Variants in HIP1 observed in about 807,000 individuals in gnomAD.
The protein encoded by HIP1 is huntingtin-interacting protein 1.
HIP1 carries 65 observed loss-of-function variants against 147.6 expected under a neutral mutation model. The observed-to-expected ratio is 0.44, with a 90% CI of 0.36 to 0.54. The LOEUF (loss-of-function observed/expected upper bound fraction) is 0.54, where lower values mean the gene tolerates loss of function less well. Among genes scored for constraint, HIP1 ranks in the 20% least tolerant of loss-of-function variants. The probability of loss-of-function intolerance (pLI) is 0.00; values close to 1 mark genes in which losing one functional copy is unlikely to be tolerated. For synonymous variants in HIP1, 479 were observed against 504.0 expected, an observed-to-expected ratio of 0.95 and a Z score of 0.67; for missense variants, 1,061 against 1,299.6, an observed-to-expected ratio of 0.82 and a Z score of 2.82.
At chr7:75,542,571 C>T (rs1338310122) in intron 28 of HIP1, among the ~76,000 whole-genome samples, 2 of 151,782 alleles carry the variant, frequency 1.3e-5, no homozygotes, top group African/African-American at 2.4e-5. Context: ...TGGTGGCGGG[C>T]GCCTGTAATC....
rs1554489635 is a variant in HIP1, at chr7:75,540,448, A to G, written c.2953-1017T>C. On this transcript the variant is annotated intron_variant, in intron 29 of 30. Coordinates refer to ENST00000336926, the MANE Select transcript of HIP1 (RefSeq NM_005338.7). ...ACTCGGTCTCAAAAAAAAAAAAAAAAAAGAAGGAAAAATTAGCTGGGCATG... is the reference window on the plus strand; with the variant it reads ...ACTCGGTCTCAAAAAAAAAAAAAAAGAAGAAGGAAAAATTAGCTGGGCATG... 4.0e-3 allele frequency among the ~76,000 whole-genome samples: 605 copies of G among 151,186 alleles called. 5 individuals are homozygous for G. Among genetic ancestry groups the G allele is most frequent in the African/African-American group, 0.014 (572 of 41,266 alleles).
Position 75,534,882 on chromosome 7 carries a change from C to T in HIP1, c.*3290G>A, listed in dbSNP as rs371553830. The T allele has an allele frequency of 2.9e-5, 6 of 206,260 alleles. No individual in the cohort carries two copies. The highest frequency in any genetic ancestry group is 7.4e-5 in the East Asian group (1 of 13,560). The allele number at this position is 206,260 out of a possible 1,614,324, so 12.8% of individuals were successfully genotyped here. A position where few individuals can be genotyped will look rare whatever the true frequency, so the allele number is the denominator to read the frequency against. ...GTCCCATCTTGTCATGACCCATTTA[C>T]GCTCACCCGAGACTTGTCACTAGTG... On this transcript the variant is annotated 3_prime_UTR_variant, in exon 31 of 31. Coordinates refer to ENST00000336926, the MANE Select transcript of HIP1 (RefSeq NM_005338.7).
intron 1 of HIP1, among the ~76,000 whole-genome samples, chr7:75,689,014 G>T (rs1436509737): frequency 6.6e-6 from 1 of 152,118 alleles, no homozygotes; most frequent in Non-Finnish European, 1.5e-5. Context: ...CAAACAAACA[G>T]AGTGTACGCC....
At chr7:75,554,412 G>T in intron 20 of HIP1, 28 bp downstream of exon 20, 2 of 1,582,428 alleles carry the variant, frequency 1.3e-6, no homozygotes, top group South Asian at 2.2e-5. Flanking sequence ...ATCACTAGCC[G>T]ACAGAGACTG....
intron 1 of HIP1, among the ~76,000 whole-genome samples, chr7:75,713,365 C>G (rs1297715295): frequency 1.3e-5 from 2 of 152,182 alleles, no homozygotes; most frequent in Admixed American, 1.3e-4. Flanking sequence ...GAAGCTGGAA[C>G]TAAGACTGAC....
intron 22 of HIP1, among the ~76,000 whole-genome samples, chr7:75,549,529 C>T (rs1284158839): frequency 6.6e-6 from 1 of 151,724 alleles, no homozygotes; most frequent in Non-Finnish European, 1.5e-5. Context: ...CACCACCATG[C>T]CCAGCTAATT....
chr7:75,611,356 A>G (rs1797427314), intron 1 of HIP1, among the ~76,000 whole-genome samples: 1 of 151,440 alleles, frequency 6.6e-6, no homozygotes, highest in Non-Finnish European at 1.5e-5. Context: ...AGTCCCAGCC[A>G]CTTGGGAGGC....
rs568178151 is a variant in HIP1 at position 75,651,198 on chromosome 7, A to G, written c.121-51951T>C. ...AAAGACCTGAGGCACAGTGGCTCACACCTGTAATCCCAGCACTTTGGGAGG... is the reference window on the plus strand; with the variant it reads ...AAAGACCTGAGGCACAGTGGCTCACGCCTGTAATCCCAGCACTTTGGGAGG... On this transcript the variant is annotated intron_variant, in intron 1 of 30. Transcript: ENST00000336926. Among the ~76,000 whole-genome samples, 36 of 151,972 alleles carry G rather than the reference A, an allele frequency of 2.4e-4. No individual in the cohort carries two copies. In the East Asian group the frequency reaches 4.7e-3, roughly 20 times the overall value.
In HIP1 at chr7:75,599,183, T is replaced by C. The variant is rs1554502513; in HGVS notation, c.184+1A>G. ...CTTCCAAGCAACATCCAAAAGGATA[T>C]TTCTGGCGTGTTTTTCCTTTACAGC... is the stretch of plus-strand genomic sequence containing the variant. On this transcript the variant is annotated splice_donor_variant, in intron 2 of 30. Coordinates refer to ENST00000336926, the MANE Select transcript of HIP1 (RefSeq NM_005338.7). LOFTEE classifies it high-confidence loss of function. The C allele has an allele frequency of 1.9e-6, 3 of 1,610,410 alleles. No homozygotes were observed. Among genetic ancestry groups the C allele is most frequent in the Non-Finnish European group, 2.5e-6 (3 of 1,176,726 alleles).
chr7:75,577,053 TG>T (rs1244354627), intron 7 of HIP1, among the ~76,000 whole-genome samples: 6 of 151,946 alleles, frequency 3.9e-5, no homozygotes, highest in Non-Finnish European at 7.4e-5. Flanking sequence ...CACAGGAGGC[TG>T]GGGTTGGTGG....
rs782601101 is a variant in HIP1 at position 75,648,280 on chromosome 7, A to G, written c.121-49033T>C. 5.9e-5 allele frequency among the ~76,000 whole-genome samples: 9 copies of G among 151,732 alleles called. 1 individual carries two copies. The highest frequency in any genetic ancestry group is 8.8e-5 in the Non-Finnish European group (6 of 67,956). Reference sequence around the variant, plus strand: ...TGGAGTAGTTGGGGCTGGTTGGAGTAGCTGGGGCTCGTCGGAGTAGTTGGG... The same window carrying G: ...TGGAGTAGTTGGGGCTGGTTGGAGTGGCTGGGGCTCGTCGGAGTAGTTGGG... On this transcript the variant is annotated intron_variant, in intron 1 of 30. Transcript: ENST00000336926.
chr7:75,691,405 C>A (rs1473595767), intron 1 of HIP1, among the ~76,000 whole-genome samples: 1 of 150,892 alleles, frequency 6.6e-6, no homozygotes, highest in Non-Finnish European at 1.5e-5. Context: ...GCAGGAGAAT[C>A]GCTTGAACCT....
rs1388570614 is a variant in HIP1, at chr7:75,547,095, T to C, written c.2466-63A>G. 2.2e-6 allele frequency: 3 copies of C among 1,345,986 alleles called. No individual in the cohort carries two copies. The African/African-American group carries it at 4.3e-5, about 19-fold the overall frequency. 83.4% of individuals were successfully genotyped at this position (1,345,986 alleles called of 1,614,324 possible). ...GATCCAAGATCAATGAACACGACGG[T>C]TCTCTTCCCCACTCCTAGCCAAAGG... On this transcript the variant is annotated intron_variant, in intron 24 of 30. Coordinates refer to ENST00000336926, the MANE Select transcript of HIP1 (RefSeq NM_005338.7).
intron 6 of HIP1, among the ~76,000 whole-genome samples, chr7:75,581,572 A>T (rs1171894434): frequency 2.0e-5 from 3 of 152,224 alleles, no homozygotes; most frequent in African/African-American, 4.8e-5. Flanking sequence ...TGAGGTCAGG[A>T]GTTCAAGACC....
At chr7:75,673,929 T>C (rs1241760307) in intron 1 of HIP1, among the ~76,000 whole-genome samples, 1 of 151,358 alleles carries the variant, frequency 6.6e-6, no homozygotes, top group Non-Finnish European at 1.5e-5. Context: ...GAGGCTGGAG[T>C]GATCCATGCT....
chr7:75,660,304 A>G (rs1554513423), intron 1 of HIP1, among the ~76,000 whole-genome samples: 1 of 150,928 alleles, frequency 6.6e-6, no homozygotes, highest in Admixed American at 6.6e-5. Context: ...AGGTGGGTGG[A>G]TCACTTGAGG....
At chr7:75,729,999 G>C (rs782313256) in intron 1 of HIP1, among the ~76,000 whole-genome samples, 13 of 152,108 alleles carry the variant, frequency 8.5e-5, no homozygotes, top group Non-Finnish European at 1.8e-4. Flanking sequence ...GAAGGAGGGA[G>C]GGCTCAGAAC....
intron 1 of HIP1, among the ~76,000 whole-genome samples, chr7:75,674,501 T>TTTTTTTTTG (rs367841480): frequency 0.14 from 10,302 of 74,206 alleles, 603 homozygotes; most frequent in Middle Eastern, 0.33. Context: ...GGCTTTTTGT[T>TTTTTTTTTG]TTTTTTTTTG....
chr7:75,641,493 C>T (rs72602237), intron 1 of HIP1, among the ~76,000 whole-genome samples: 22,617 of 80,032 alleles, frequency 0.28, 1,916 homozygotes, highest in African/African-American at 0.43. Context: ...TCCTTGTTTG[C>T]TTTTTTTTTT....
Sources: gnomAD v4.1 joint callset for allele counts (sites outside exome capture counted in the v4.1 genomes callset) on GRCh38, gnomAD v4.1.1 for gene constraint, MANE v1.5 for transcripts, NCBI Gene and HGNC (gene_info 2026-07-23, HGNC 2026-07-21) for gene names.